The following THADA variants were observed in gnomAD, a reference collection of about 807,000 sequenced individuals.
THADA encodes the protein THADA armadillo repeat containing.
In THADA, 213 loss-of-function variants were observed where a neutral mutation model predicts 219.8. The observed-to-expected ratio is 0.97, with a 90% confidence interval of 0.87 to 1.09. The LOEUF is 1.09. THADA is among the 50% of genes least tolerant of loss of function. THADA has a pLI of 0.00. For synonymous variants in THADA, 1,018 were observed against 828.9 expected (o/e 1.23, Z -3.92); for missense variants, 2,956 against 2,311.3 (o/e 1.28, Z -5.72).
At chr2:43,427,392 C>T (rs1678590089) in intron 28 of THADA, among the ~76,000 whole-genome samples, 1 of 152,014 alleles carries the variant, frequency 6.6e-6, no homozygotes, top group Non-Finnish European at 1.5e-5. Flanking sequence ...ACATTACTTA[C>T]ACAGGTTCTA....
intron 26 of THADA, among the ~76,000 whole-genome samples, chr2:43,448,770 A>G (rs974937861): frequency 6.6e-6 from 1 of 152,084 alleles, no homozygotes; most frequent in Non-Finnish European, 1.5e-5. Context: ...CCCCTGACAC[A>G]GACAAAGCCT....
chr2:43,295,236 A>C (rs981992801), intron 31 of THADA, among the ~76,000 whole-genome samples: 2 of 152,274 alleles, frequency 1.3e-5, no homozygotes, highest in Non-Finnish European at 2.9e-5. Flanking sequence ...AGTAGTTGGC[A>C]AACTTCAATT....
At chr2:43,570,939 A>G (rs1699223563) in intron 13 of THADA, among the ~76,000 whole-genome samples, 1 of 152,200 alleles carries the variant, frequency 6.6e-6, no homozygotes, top group Admixed American at 6.5e-5. Flanking sequence ...AAAGAGCCCA[A>G]GGTTGATTTA....
chr2:43,539,483 G>T (rs1410028816), intron 21 of THADA, among the ~76,000 whole-genome samples: 1 of 152,176 alleles, frequency 6.6e-6, no homozygotes, highest in East Asian at 1.9e-4. Flanking sequence ...GATGACTTTG[G>T]ATTTTTATTG....
intron 29 of THADA, among the ~76,000 whole-genome samples, chr2:43,374,244 T>C (rs1467501166): frequency 2.0e-5 from 3 of 152,204 alleles, no homozygotes; most frequent in South Asian, 2.1e-4. Flanking sequence ...AACATATTAG[T>C]GCACAAAAGA....
At chr2:43,521,278 G>A (rs1460053598) in intron 22 of THADA, among the ~76,000 whole-genome samples, 15 of 152,062 alleles carry the variant, frequency 9.9e-5, no homozygotes, top group Admixed American at 2.6e-4. Context: ...AGGGAGGGCC[G>A]GGCGTGGTGG....
rs1700079286 is a variant in THADA at position 43,578,407 on chromosome 2, A to G, written c.816+106T>C. The stretch of plus-strand genomic sequence containing the variant: ...AGTGACCCTCCTGCCCTGGCCTCCC[A>G]AAGTGTTGGGATTATAAGTGTGAGC... On this transcript the variant is annotated intron_variant, in intron 9 of 37. Transcript: ENST00000405975. 4.1e-6 allele frequency: 3 copies of G among 739,634 alleles called. No homozygotes were observed. In the South Asian group the frequency reaches 6.2e-5, roughly 15 times the overall value. The allele number at this position is 739,634 out of a possible 1,614,324, so 45.8% of individuals were successfully genotyped here. A position where few individuals can be genotyped will look rare whatever the true frequency, so the allele number is the denominator to read the frequency against.
At chr2:43,516,670 G>A (rs554698327) in intron 22 of THADA, among the ~76,000 whole-genome samples, 1 of 152,166 alleles carries the variant, frequency 6.6e-6, no homozygotes, top group Non-Finnish European at 1.5e-5. Flanking sequence ...ACGTGGCAGA[G>A]GGAGAATTAA....
chr2:43,231,777 C>T (rs1667452390), intron 37 of THADA, among the ~76,000 whole-genome samples: 2 of 152,150 alleles, frequency 1.3e-5, no homozygotes, highest in Admixed American at 1.3e-4. Context: ...AGGCTGTGTC[C>T]TGTTTCTATA....
At chr2:43,239,070 G>C (rs1466153894) in intron 36 of THADA, among the ~76,000 whole-genome samples, 1 of 152,220 alleles carries the variant, frequency 6.6e-6, no homozygotes, top group Non-Finnish European at 1.5e-5. Flanking sequence ...GCCTACACAA[G>C]TGGGATTAAC....
At chr2:43,566,894 CT>C in intron 14 of THADA, 73 bp from the exon 15 acceptor site, 1 of 1,033,336 alleles carries the variant, frequency 9.7e-7, no homozygotes, top group Non-Finnish European at 1.3e-6. Flanking sequence ...ATTAAACACC[CT>C]TTAAGAGTGG....
At chr2:43,244,454 T>C (rs922275563) in intron 36 of THADA, among the ~76,000 whole-genome samples, 2 of 152,190 alleles carry the variant, frequency 1.3e-5, no homozygotes, top group Admixed American at 6.5e-5. Flanking sequence ...GTGCTTCCAT[T>C]ATACCCAGTT....
chr2:43,551,897 G>C lies in THADA; in HGVS notation c.2839C>G (p.Pro947Ala). 6.2e-7 allele frequency: 1 copy of C among 1,613,694 alleles called. No homozygotes were observed. The highest frequency in any genetic ancestry group is 8.5e-7 in the Non-Finnish European group (1 of 1,179,790). The change falls in exon 19 of 38, where the codon CCT becomes GCT. Residue 947 changes from proline (P) to alanine (A), a missense_variant. Pro to Ala is a conservative substitution (Grantham distance 27). Coordinates refer to ENST00000405975, the MANE Select transcript of THADA (RefSeq NM_022065.5). ...NSLQLVSEWR[P>A]VVEKLLLMSY... ...ATCAAAAGGAGCTTCTCTACCACAG[G>C]TCTCCACTCGCTCACCAACTGCAGG...
In THADA at chr2:43,591,971, T is replaced by G; in HGVS notation, c.152A>C (p.Gln51Pro). Residue 51 changes from glutamine (Q) to proline (P), a missense_variant, in exon 3 of 38, where the codon CAA becomes CCA. Physicochemically the swap from Gln to Pro is moderately conservative, Grantham distance 76 (BLOSUM62 -1). Coordinates refer to ENST00000405975, the MANE Select transcript of THADA (RefSeq NM_022065.5). Reference protein sequence around the residue: ...HCVQLTDGVSQIHYIKQIVPL... With the variant: ...HCVQLTDGVSPIHYIKQIVPL... ...ACTTACCTGTTTAATATAATGGATT[T>G]GTGACACTCCATCCGTGAGTTGCAC... is the stretch of plus-strand genomic sequence containing the variant. 2 of 1,551,180 alleles carry G rather than the reference T, an allele frequency of 1.3e-6. No homozygotes were observed. Among genetic ancestry groups the G allele is most frequent in the Non-Finnish European group, 1.7e-6 (2 of 1,146,516 alleles).
intron 29 of THADA, among the ~76,000 whole-genome samples, chr2:43,365,617 T>C (rs7562101): frequency 0.24 from 36,269 of 148,042 alleles, 5,163 homozygotes; most frequent in African/African-American, 0.39. Flanking sequence ...TGCAGACAGG[T>C]CAGATATGAG....
At chr2:43,351,831 T>C (rs370564182) in intron 29 of THADA, among the ~76,000 whole-genome samples, 11 of 152,208 alleles carry the variant, frequency 7.2e-5, no homozygotes, top group African/African-American at 2.7e-4. Context: ...TATACATTTG[T>C]CTTGGATAAT....
chr2:43,573,622 A>T (rs1334135532), intron 11 of THADA, among the ~76,000 whole-genome samples: 1 of 152,204 alleles, frequency 6.6e-6, no homozygotes, highest in Non-Finnish European at 1.5e-5. Flanking sequence ...ACAGGAATCA[A>T]ATTTTCCTGC....
At position 43,388,541 on chromosome 2, in the gene THADA, T is replaced by G. The variant is rs557148127; in HGVS notation, c.4227+9430A>C. ...AAAGAGTCCTTTGTCTCAGACAGTG[T>G]GAGACACTGATTCCTCAAGTTTCCA... On this transcript the variant is annotated intron_variant, in intron 29 of 37. Coordinates refer to ENST00000405975, the MANE Select transcript of THADA (RefSeq NM_022065.5). 1.2e-4 allele frequency among the ~76,000 whole-genome samples: 18 copies of G among 152,318 alleles called. No individual in the cohort carries two copies. In the South Asian group the frequency reaches 3.1e-3, roughly 26 times the overall value.
chr2:43,292,385 G>A (rs565286049), intron 32 of THADA, among the ~76,000 whole-genome samples, 163 bp from the exon 33 acceptor site: 1 of 152,328 alleles, frequency 6.6e-6, no homozygotes, highest in Non-Finnish European at 1.5e-5. Flanking sequence ...CTGAGGCAGA[G>A]TGATGCAATG....
Sources: gnomAD v4.1 joint callset for allele counts (sites outside exome capture counted in the v4.1 genomes callset) on GRCh38, gnomAD v4.1.1 for gene constraint, MANE v1.5 for transcripts, NCBI Gene and HGNC (gene_info 2026-07-23, HGNC 2026-07-21) for gene names.